The following CCDC88B variants were observed in gnomAD, a reference collection of about 807,000 sequenced individuals.
The protein encoded by CCDC88B is coiled-coil and HOOK domain protein 88B.
A neutral mutation model predicts 183.7 loss-of-function variants in CCDC88B; 138 were observed. That is an observed-to-expected ratio of 0.75 (90% CI 0.65 to 0.87). CCDC88B has a LOEUF of 0.87. CCDC88B is among the 40% of genes least tolerant of loss of function. The pLI is 0.00. For synonymous variants in CCDC88B, 835 were observed against 867.5 expected, an observed-to-expected ratio of 0.96 and a Z score of 0.66; for missense variants, 1,822 against 1,965.6, an observed-to-expected ratio of 0.93 and a Z score of 1.38.
At chr11:64,347,536 A>G (rs1451669089) in intron 14 of CCDC88B, among the ~76,000 whole-genome samples, 4 of 152,176 alleles carry the variant, frequency 2.6e-5, no homozygotes, top group Non-Finnish European at 4.4e-5. Flanking sequence ...ACTGCTGGGT[A>G]GACATGGGGT....
chr11:64,341,777 G>A, intron 7 of CCDC88B, 35 bp downstream of exon 7: 1 of 1,541,354 alleles, frequency 6.5e-7, no homozygotes, highest in African/African-American at 1.4e-5. Flanking sequence ...ACTCAGGTTG[G>A]GGAACTGGAG....
chr11:64,349,520 T>TGGGGGGTGGGTGGGGG, intron 15 of CCDC88B, 31 bp from the exon 16 acceptor site: 1 of 423,978 alleles, frequency 2.4e-6, no homozygotes, highest in Non-Finnish European at 3.8e-6. Context: ...GAGGGTGGGG[T>TGGGGGGTGGGTGGGGG]GGGGCTGGGT....
In CCDC88B at chr11:64,353,805, C is replaced by T. The variant is rs1185800155; in HGVS notation, c.3924C>T (p.Pro1308=). 3 of 1,613,928 alleles carry T rather than the reference C, an allele frequency of 1.9e-6. No individual in the cohort carries two copies. The highest frequency in any genetic ancestry group is 2.7e-5 in the African/African-American group (2 of 74,906). The change falls in exon 23 of 27, where the codon CCC becomes CCT. Residue 1308 remains proline (P), a synonymous_variant. Transcript: ENST00000356786. ...GCGTGCTGGAGCCTGTGCCCCTGCC[C>T]CGGACCAAGTGAGCAGCCCTGTCAC... is the stretch of plus-strand genomic sequence containing the variant. The part of the protein sequence containing the change: ...QYRVLEPVPL[P]RTKKGSWLAD...
At chr11:64,340,382 T>C in intron 1 of CCDC88B, 56 bp downstream of exon 1, 1 of 1,230,270 alleles carries the variant, frequency 8.1e-7, no homozygotes, top group Non-Finnish European at 1.0e-6. Context: ...AGCCAGGGGC[T>C]GGTGTTGGCG....
Position 64,352,140 on chromosome 11 carries a change from C to A in CCDC88B, c.3110C>A (p.Ser1037Tyr). ...CCTCCTCCATCCTAGGCCGAGAAGT[C>A]TGTGCTGGAGATTCAGGGCCAGGAG... is the stretch of plus-strand genomic sequence containing the variant. ...EHSSRLQAEK[S>Y]VLEIQGQELH... Residue 1037 changes from serine (S) to tyrosine (Y), a missense_variant, in exon 19 of 27, where the codon TCT becomes TAT. Ser to Tyr is a moderately radical substitution (Grantham distance 144). Coordinates refer to ENST00000356786, the MANE Select transcript of CCDC88B (RefSeq NM_032251.6). 1 of 1,572,574 alleles carries A rather than the reference C, an allele frequency of 6.4e-7. No individual in the cohort carries two copies. The highest frequency in any genetic ancestry group is 8.7e-7 in the Non-Finnish European group (1 of 1,154,274).
chr11:64,341,748 G>A lies in CCDC88B; in HGVS notation c.675+6G>A, dbSNP rs2035864405. The A allele has an allele frequency of 1.3e-6, 2 of 1,553,430 alleles. No individual in the cohort carries two copies. The highest frequency in any genetic ancestry group is 1.4e-5 in the African/African-American group (1 of 72,544). The stretch of plus-strand genomic sequence containing the variant: ...AGCGTGACCTGGGGGCCCAGGTAGG[G>A]GCAGCAGGGGCATCGTGGACTCAGG... On this transcript the variant is annotated splice_donor_region_variant and intron_variant, in intron 7 of 26. Coordinates refer to ENST00000356786, the MANE Select transcript of CCDC88B (RefSeq NM_032251.6).
At chr11:64,356,970 C>G in intron 26 of CCDC88B, 69 bp from the exon 27 acceptor site, 1 of 1,483,780 alleles carries the variant, frequency 6.7e-7, no homozygotes, top group Non-Finnish European at 9.1e-7. Flanking sequence ...GTGCTCGAGC[C>G]TGTGGGCCTC....
rs1202923127 is a variant in CCDC88B, at chr11:64,341,474, C to A, written c.501C>A (p.Val167=). Reference sequence around the variant, plus strand: ...ACATCCAGGGCCTCAGTCTCGAGGTCCAGAGCGAGCTGGCCGCTGCCATCC... The same window carrying A: ...ACATCCAGGGCCTCAGTCTCGAGGTACAGAGCGAGCTGGCCGCTGCCATCC... ...IRHIQGLSLE[V]QSELAAAIQE... The change falls in exon 6 of 27, where the codon GTC becomes GTA. Residue 167 remains valine, a synonymous_variant. Transcript: ENST00000356786. The A allele has an allele frequency of 6.2e-7, 1 of 1,613,934 alleles. No homozygotes were observed. Among genetic ancestry groups the A allele is most frequent in the Non-Finnish European group, 8.5e-7 (1 of 1,180,014 alleles).
rs781592148 is a variant in CCDC88B, at chr11:64,344,489, C to G, written c.1948C>G (p.Pro650Ala). The G allele has an allele frequency of 1.2e-6, 2 of 1,605,632 alleles. No individual in the cohort carries two copies. The highest frequency in any genetic ancestry group is 2.2e-5 in the South Asian group (2 of 90,398). ...GLRQEGPEHK[P>A]GPSEPSSVQL... ...GAGACAGGAGGGCCCTGAGCACAAG[C>G]CAGGGCCTTCGGAGCCCAGCTCTGT... The change falls in exon 14 of 27, where the codon CCA (proline) becomes GCA (alanine). Residue 650 changes from proline (P) to alanine (A), a missense_variant. Pro to Ala is a conservative substitution (Grantham distance 27). Transcript: ENST00000356786. The surrounding 1 kb of genome is among the most constrained non-coding windows in gnomAD (Gnocchi z 4.5).
rs892792971 is a variant in CCDC88B, at chr11:64,344,208, A to G, written c.1667A>G (p.Gln556Arg). ...ECPQAPDSDPQEAESPLQAAA... is the reference protein window; with the variant it reads ...ECPQAPDSDPREAESPLQAAA... ...CCCCAGGCACCTGATTCAGACCCAC[A>G]GGAGGCAGAGAGTCCCCTTCAGGCA... Residue 556 changes from glutamine (Q) to arginine (R), a missense_variant, in exon 14 of 27, where the codon CAG becomes CGG. Coordinates refer to ENST00000356786, the MANE Select transcript of CCDC88B (RefSeq NM_032251.6). The surrounding 1 kb of genome is among the most constrained non-coding windows in gnomAD (Gnocchi z 4.5). 6.2e-7 allele frequency: 1 copy of G among 1,611,726 alleles called. No homozygotes were observed. Among genetic ancestry groups the G allele is most frequent in the African/African-American group, 1.3e-5 (1 of 74,890 alleles).
chr11:64,351,332 T>TG (rs995559764), intron 17 of CCDC88B, 77 bp downstream of exon 17: 11 of 1,482,542 alleles, frequency 7.4e-6, no homozygotes, highest in Non-Finnish European at 1.0e-5. Context: ...GACCCTGGGC[T>TG]GGGGGGTATC....
chr11:64,353,165 G>A lies in CCDC88B; in HGVS notation c.3612G>A (p.Glu1204=), dbSNP rs774924463. 5 of 1,587,696 alleles carry A rather than the reference G, an allele frequency of 3.1e-6. No individual in the cohort carries two copies. In the African/African-American group the frequency reaches 5.4e-5, roughly 17 times the overall value. ...ARLELERAQL[E]MQSQQLRESN... ...TGGAGCTGGAGCGGGCACAGCTGGA[G>A]ATGCAGAGCCAGCAGCTGCGCGAGT... Residue 1204 remains glutamate (E), a synonymous_variant, in exon 21 of 27, where the codon GAG becomes GAA. Transcript: ENST00000356786.
rs1478940205 is a variant in CCDC88B, at chr11:64,343,263, C to T, written c.1147C>T (p.Arg383Trp). 1 of 1,549,186 alleles carries T rather than the reference C, an allele frequency of 6.5e-7. No individual in the cohort carries two copies. The highest frequency in any genetic ancestry group is 8.7e-7 in the Non-Finnish European group (1 of 1,146,736). Residue 383 changes from arginine to tryptophan, a missense_variant, in exon 11 of 27, where the codon CGG (arginine) becomes TGG (tryptophan). Arg to Trp is a moderately radical substitution (Grantham distance 101, BLOSUM62 -3). Coordinates refer to ENST00000356786, the MANE Select transcript of CCDC88B (RefSeq NM_032251.6). ...QLEAARERCA[R>W]LHETQRENLL... is the part of the protein sequence containing the mutation. ...GGAGGCTGCCCGAGAGCGCTGCGCC[C>T]GGCTGCACGAGACCCAGCGCGAGAA...
chr11:64,343,853 A>G lies in CCDC88B; in HGVS notation c.1394A>G (p.Glu465Gly), dbSNP rs1440000836. 1 of 1,604,022 alleles carries G rather than the reference A, an allele frequency of 6.2e-7. No homozygotes were observed. Among genetic ancestry groups the G allele is most frequent in the South Asian group, 1.1e-5 (1 of 89,500 alleles). ...GAGGCTGGGCGGCTTCGGACCCTTG[A>G]GAGGGAGAACCGGGAGCTTCGGGGG... ...EAEAGRLRTL[E>G]RENRELRGLL... Residue 465 changes from glutamate (E) to glycine (G), a missense_variant, in exon 13 of 27, where the codon GAG (glutamate) becomes GGG (glycine). Coordinates refer to ENST00000356786, the MANE Select transcript of CCDC88B (RefSeq NM_032251.6).
chr11:64,355,470 G>A (rs2036518900), intron 25 of CCDC88B, 70 bp downstream of exon 25: 1 of 1,584,700 alleles, frequency 6.3e-7, no homozygotes, highest in Non-Finnish European at 8.6e-7. Context: ...CCTTGGGGGA[G>A]GAGGCTTCCT....
At chr11:64,352,016 C>T (rs143280455) in intron 18 of CCDC88B, 114 bp from the exon 19 acceptor site, 5 of 1,432,604 alleles carry the variant, frequency 3.5e-6, no homozygotes, top group Non-Finnish European at 1.9e-6. Flanking sequence ...TTGCCTCCTC[C>T]ACAACTCTCT....
In CCDC88B at chr11:64,355,245, G is replaced by T. The variant is rs762821932; in HGVS notation, c.4151G>T (p.Arg1384Leu). 6.5e-7 allele frequency: 1 copy of T among 1,536,496 alleles called. No individual in the cohort carries two copies. Among genetic ancestry groups the T allele is most frequent in the East Asian group, 2.3e-5 (1 of 43,232 alleles). Residue 1384 changes from arginine to leucine, a missense_variant, in exon 25 of 27, where the codon CGG (arginine) becomes CTG (leucine). Arg to Leu is a moderately radical substitution (Grantham distance 102). Transcript: ENST00000356786. ...CGGGCCCAGAGCTCCCTCTGCCTGC[G>T]GGATGAGACCTTGGCAGGCGGGCAG... is the stretch of plus-strand genomic sequence containing the variant. ...MRRAQSSLCL[R>L]DETLAGGQRR... is the part of the protein sequence containing the mutation.
intron 14 of CCDC88B, 111 bp from the exon 15 acceptor site, chr11:64,349,220 C>G (rs1031772581): frequency 7.9e-7 from 1 of 1,272,278 alleles, no homozygotes; most frequent in African/African-American, 1.5e-5. Context: ...CTTAATGATA[C>G]GTGCCCAGGA....
At position 64,357,022 on chromosome 11, in the gene CCDC88B, T is replaced by G. The variant is rs1450806436; in HGVS notation, c.4376-17T>G. 1 of 1,563,532 alleles carries G rather than the reference T, an allele frequency of 6.4e-7. No individual in the cohort carries two copies. The highest frequency in any genetic ancestry group is 2.3e-5 in the East Asian group (1 of 44,388). The stretch of plus-strand genomic sequence containing the variant: ...CCTCCTGAGGGAAGCAGATCTCAGC[T>G]GAGCCTTTCCCTCTAGGCCCTGAGG... On this transcript the variant is annotated splice_polypyrimidine_tract_variant and intron_variant, in intron 26 of 26. Transcript: ENST00000356786.
Sources: gnomAD v4.1 joint callset for allele counts (sites outside exome capture counted in the v4.1 genomes callset) on GRCh38, gnomAD v4.1.1 for gene constraint, Gnocchi (gnomAD v3.1) non-coding constraint, MANE v1.5 for transcripts, NCBI Gene and HGNC (gene_info 2026-07-23, HGNC 2026-07-21) for gene names.